BOC: variants seen among roughly 807,000 people sequenced by gnomAD.
The protein encoded by BOC is brother of CDO.
A neutral mutation model predicts 112.0 loss-of-function variants in BOC; 76 were observed. The observed-to-expected ratio is 0.68, with a 90% CI of 0.56 to 0.82. The LOEUF is 0.82. BOC is among the 40% of genes least tolerant of loss of function. BOC has a pLI of 0.00. For missense variants in BOC, 1,309 were observed against 1,511.7 expected (o/e 0.87, Z 2.22); for synonymous variants, 580 against 599.8 (o/e 0.97, Z 0.48).
At chr3:113,286,608 A>G in intron 19 of BOC, 67 bp from the exon 20 acceptor site, 1 of 1,333,910 alleles carries the variant, frequency 7.5e-7, no homozygotes, top group East Asian at 2.6e-5. Flanking sequence ...AGATTGGCCC[A>G]GTGTCACTGG....
At chr3:113,225,838 A>G (rs1941571296) in intron 2 of BOC, among the ~76,000 whole-genome samples, 1 of 152,234 alleles carries the variant, frequency 6.6e-6, no homozygotes, top group Non-Finnish European at 1.5e-5. Context: ...TACCTCATCT[A>G]GAAGCCTTGG....
rs1949743902 is a variant in BOC at position 113,286,839 on chromosome 3, G to GAAAC, written c.3327_3330dup (p.Pro1111AsnfsTer11). ...GGGGCCACTGGTGCGTGTGTCTTTT[G>GAAAC]AAACACCACCTCTCACAATTTAGGC... On this transcript the variant is annotated frameshift_variant, in exon 20 of 20. Coordinates refer to ENST00000682979, the MANE Select transcript of BOC (RefSeq NM_001378074.1). LOFTEE classifies it high-confidence loss of function. The GAAAC allele has an allele frequency of 6.3e-7, 1 of 1,595,602 alleles. No individual in the cohort carries two copies. Among genetic ancestry groups the GAAAC allele is most frequent in the African/African-American group, 1.4e-5 (1 of 73,700 alleles).
At chr3:113,283,324 A>T (rs1949362065) in intron 15 of BOC, 87 bp from the exon 16 acceptor site, 2 of 1,365,646 alleles carry the variant, frequency 1.5e-6, no homozygotes, top group African/African-American at 3.2e-5. Context: ...TCCCAAACCC[A>T]TGGAATGGGG....
In BOC at chr3:113,273,340, A is replaced by C; in HGVS notation, c.1233A>C (p.Pro411=). Residue 411 remains proline, a splice_region_variant and synonymous_variant, in exon 8 of 20, where the codon CCA becomes CCC. Transcript: ENST00000682979. ...TAGTCCAGCTGCGGACCTCCAGGCC[A>C]AGTGAGTGTAGCCCAGGGGTCTGAG... ...HAVVQLRTSR[P]SITPRLWQDA... 4 of 1,587,720 alleles carry C rather than the reference A, an allele frequency of 2.5e-6. No individual in the cohort carries two copies. The South Asian group carries it at 4.4e-5, about 18-fold the overall frequency.
chr3:113,231,477 A>G (rs1038456358), intron 2 of BOC, among the ~76,000 whole-genome samples: 17 of 152,190 alleles, frequency 1.1e-4, no homozygotes, highest in Admixed American at 5.2e-4. Flanking sequence ...TTTCTCAAAG[A>G]GTATTTGGTG....
intron 2 of BOC, among the ~76,000 whole-genome samples, chr3:113,225,596 A>G (rs1941537296): frequency 6.6e-6 from 1 of 152,250 alleles, no homozygotes; most frequent in African/African-American, 2.4e-5. Flanking sequence ...TAAGTGCAGT[A>G]TTATATATTT....
intron 2 of BOC, among the ~76,000 whole-genome samples, chr3:113,248,953 C>T (rs1018145276): frequency 7.9e-5 from 12 of 152,042 alleles, no homozygotes; most frequent in South Asian, 2.1e-4. Context: ...TTTCTAGCAC[C>T]GGGAGCAGAG....
intron 2 of BOC, among the ~76,000 whole-genome samples, chr3:113,236,817 CT>C (rs1362724099): frequency 6.6e-6 from 1 of 152,196 alleles, no homozygotes; most frequent in Non-Finnish European, 1.5e-5. Context: ...CAGTGAATGG[CT>C]TTTGGAAGAA....
chr3:113,242,849 C>T (rs766781993), intron 2 of BOC, among the ~76,000 whole-genome samples: 1 of 151,908 alleles, frequency 6.6e-6, no homozygotes, highest in Non-Finnish European at 1.5e-5. Context: ...GTGCAAGTGC[C>T]AAGGGGAAAA....
intron 5 of BOC, 46 bp downstream of exon 5, chr3:113,268,491 A>T (rs1336933782): frequency 6.3e-7 from 1 of 1,583,586 alleles, no homozygotes; most frequent in Non-Finnish European, 8.6e-7. Flanking sequence ...CCAGAAGGGA[A>T]GCTGGCCTCC....
At chr3:113,254,609 CTG>C (rs1303462044) in intron 4 of BOC, among the ~76,000 whole-genome samples, 2 of 152,242 alleles carry the variant, frequency 1.3e-5, no homozygotes, top group African/African-American at 4.8e-5. Context: ...AGAGGAAAGA[CTG>C]GGCAGCGGCG....
chr3:113,221,099 A>G (rs1371144707), intron 2 of BOC, among the ~76,000 whole-genome samples: 2 of 152,218 alleles, frequency 1.3e-5, no homozygotes, highest in Non-Finnish European at 2.9e-5. Flanking sequence ...GTCGATAGGT[A>G]TGTGACCCTA....
At chr3:113,280,836 A>G (rs141250203) in intron 14 of BOC, among the ~76,000 whole-genome samples, 173 bp downstream of exon 14, 310 of 152,318 alleles carry the variant, frequency 2.0e-3, no homozygotes, top group African/African-American at 6.9e-3. Flanking sequence ...TGTCAACTTC[A>G]TGAACCCATG....
Position 113,279,428 on chromosome 3 carries a change from T to C in BOC, c.1996T>C (p.Ser666Pro), listed in dbSNP as rs1187758333. ...CAGCGCCATCCCCCCATCGCGGCTGTCCGTGGAGATCACGGGCCTAGAGAA... is the reference window on the plus strand; with the variant it reads ...CAGCGCCATCCCCCCATCGCGGCTGCCCGTGGAGATCACGGGCCTAGAGAA... ...ATSAIPPSRL[S>P]VEITGLEKGT... Residue 666 changes from serine to proline, a missense_variant, in exon 12 of 20, where the codon TCC becomes CCC. Physicochemically the swap from Ser to Pro is moderately conservative, Grantham distance 74. Transcript: ENST00000682979. 6.2e-7 allele frequency: 1 copy of C among 1,614,098 alleles called. No homozygotes were observed. The highest frequency in any genetic ancestry group is 2.2e-5 in the East Asian group (1 of 44,876).
chr3:113,232,640 C>T (rs988878542), intron 2 of BOC, among the ~76,000 whole-genome samples: 13 of 151,964 alleles, frequency 8.6e-5, no homozygotes, highest in Admixed American at 3.3e-4. Flanking sequence ...TGCACATGTC[C>T]AAGGCAGGAT....
In BOC at chr3:113,283,623, T is replaced by A; in HGVS notation, c.2647T>A (p.Ser883Thr). 6.2e-7 allele frequency: 1 copy of A among 1,613,390 alleles called. No homozygotes were observed. The highest frequency in any genetic ancestry group is 8.5e-7 in the Non-Finnish European group (1 of 1,179,744). ...FIPFCLWRAWSKQKHTTDLGF... is the reference protein window; with the variant it reads ...FIPFCLWRAWTKQKHTTDLGF... ...CCCCTTCTGCTTGTGGAGGGCCTGG[T>A]CTAAGCAAAGTGAGTGAGTGACGCT... Residue 883 changes from serine (S) to threonine (T), a missense_variant, in exon 16 of 20, where the codon TCT becomes ACT. Ser to Thr is a moderately conservative substitution (Grantham distance 58). Coordinates refer to ENST00000682979, the MANE Select transcript of BOC (RefSeq NM_001378074.1).
At chr3:113,222,467 G>A (rs1354487253) in intron 2 of BOC, among the ~76,000 whole-genome samples, 1 of 152,210 alleles carries the variant, frequency 6.6e-6, no homozygotes, top group East Asian at 1.9e-4. Context: ...ACTGTTAAGA[G>A]TATCTGTTTC....
rs1448292199 is a variant in BOC at position 113,286,974 on chromosome 3, T to C, written c.*112T>C. 1 of 1,056,542 alleles carries C rather than the reference T, an allele frequency of 9.5e-7. No homozygotes were observed. 65.4% of individuals were successfully genotyped at this position (1,056,542 alleles called of 1,614,324 possible). A position where few individuals can be genotyped will look rare whatever the true frequency, so the allele number is the denominator to read the frequency against. On this transcript the variant is annotated 3_prime_UTR_variant, in exon 20 of 20. Coordinates refer to ENST00000682979, the MANE Select transcript of BOC (RefSeq NM_001378074.1). The stretch of plus-strand genomic sequence containing the variant: ...TATTTTTCTATTATAGCCATATTTA[T>C]ATATTTATGCACTTGTAAATAAATG...
intron 5 of BOC, 30 bp from the exon 6 acceptor site, chr3:113,270,771 C>T: frequency 6.3e-7 from 1 of 1,584,214 alleles, no homozygotes; most frequent in Non-Finnish European, 8.6e-7. Flanking sequence ...GGACCCATCC[C>T]ATCTTCCCCT....
Sources: gnomAD v4.1 joint callset for allele counts (sites outside exome capture counted in the v4.1 genomes callset) on GRCh38, gnomAD v4.1.1 for gene constraint, MANE v1.5 for transcripts, NCBI Gene and HGNC (gene_info 2026-07-23, HGNC 2026-07-21) for gene names.